UGT1A8: variants seen among roughly 807,000 people sequenced by gnomAD.
The protein encoded by UGT1A8 is UDP-glucuronosyltransferase 1A8.
Under a neutral mutation model 45.3 loss-of-function variants are expected in UGT1A8, and 39 were observed. The observed-to-expected ratio is 0.86, with a 90% CI of 0.67 to 1.12. UGT1A8 has a LOEUF of 1.12. Among genes scored for constraint, UGT1A8 ranks in the 50% most tolerant of loss-of-function variants. The pLI is 0.00. For synonymous variants in UGT1A8, 275 were observed against 249.2 expected, an observed-to-expected ratio of 1.10 and a Z score of -0.97; for missense variants, 719 against 664.9, an observed-to-expected ratio of 1.08 and a Z score of -0.90.
chr2:233,683,277 A>G (rs1244231884), intron 1 of UGT1A8, among the ~76,000 whole-genome samples: 1 of 152,152 alleles, frequency 6.6e-6, no homozygotes, highest in Non-Finnish European at 1.5e-5. Context: ...TCTTGTCAAT[A>G]AGTTAAAGAT....
chr2:233,737,052 A>T (rs1559381224), intron 1 of UGT1A8, among the ~76,000 whole-genome samples: 1 of 152,244 alleles, frequency 6.6e-6, no homozygotes, highest in Non-Finnish European at 1.5e-5. Flanking sequence ...CCATACTAGG[A>T]GAACGAGTGC....
chr2:233,648,391 C>G (rs2073656338), intron 1 of UGT1A8: 2 of 313,012 alleles, frequency 6.4e-6, no homozygotes, highest in Non-Finnish European at 6.2e-6. Context: ...CCCTGCTTCT[C>G]TTTCCTACAG....
chr2:233,758,878 C>A (rs1575761639), intron 1 of UGT1A8, among the ~76,000 whole-genome samples: 1 of 152,186 alleles, frequency 6.6e-6, no homozygotes, highest in East Asian at 1.9e-4. Context: ...CCCCATAGTC[C>A]ATGGTCAATA....
Position 233,769,443 on chromosome 2 carries a change from G to T in UGT1A8, c.1295+1004G>T. 1.3e-6 allele frequency: 2 copies of T among 1,564,916 alleles called. No homozygotes were observed. The highest frequency in any genetic ancestry group is 1.8e-6 in the Non-Finnish European group (2 of 1,139,736). On this transcript the variant is annotated intron_variant, in intron 4 of 4. Coordinates refer to ENST00000373450, the MANE Select transcript of UGT1A8 (RefSeq NM_019076.5). This position sits in a 1 kb window ranked among gnomAD's most constrained non-coding sequence, Gnocchi z 4.4. The stretch of plus-strand genomic sequence containing the variant: ...CATGTGGCTGTGCTCATGTGTGGGT[G>T]CACACGTGTGCATTCATATGCGTGT...
At chr2:233,720,720 T>C (rs79066052) in intron 1 of UGT1A8, among the ~76,000 whole-genome samples, 5 of 150,478 alleles carry the variant, frequency 3.3e-5, no homozygotes, top group Non-Finnish European at 7.4e-5. Flanking sequence ...TTTTTTTTTT[T>C]CTTGAGACTG....
At chr2:233,683,915 G>C (rs2074656487) in intron 1 of UGT1A8, among the ~76,000 whole-genome samples, 1 of 152,106 alleles carries the variant, frequency 6.6e-6, no homozygotes, top group Admixed American at 6.5e-5. Flanking sequence ...GGAGCATATA[G>C]TTCCAAAATA....
intron 1 of UGT1A8, among the ~76,000 whole-genome samples, chr2:233,673,148 G>A (rs914780086): frequency 3.3e-5 from 5 of 151,930 alleles, no homozygotes; most frequent in Middle Eastern, 3.2e-3. Context: ...TTCTTTTAAT[G>A]TTTTTAAAAA....
rs376158939 is a variant in UGT1A8, at chr2:233,709,141, G to A, written c.856-57893G>A. ...ATCATGGTGGCCAAGGGGATGAGAC[G>A]TGCTGATTGGTTGAGGCCTAGGTCA... On this transcript the variant is annotated intron_variant, in intron 1 of 4. Coordinates refer to ENST00000373450, the MANE Select transcript of UGT1A8 (RefSeq NM_019076.5). Among the ~76,000 whole-genome samples, 18 of 152,236 alleles carry A rather than the reference G, an allele frequency of 1.2e-4. No homozygotes were observed. The East Asian group carries it at 2.1e-3, about 18-fold the overall frequency.
At chr2:233,755,100 G>C (rs920872791) in intron 1 of UGT1A8, 1 of 1,335,078 alleles carries the variant, frequency 7.5e-7, no homozygotes, top group Non-Finnish European at 1.0e-6. Flanking sequence ...CTACGCGTCC[G>C]ACAACACCTC....
At chr2:233,733,201 A>T (rs1269937689) in intron 1 of UGT1A8, among the ~76,000 whole-genome samples, 1 of 152,122 alleles carries the variant, frequency 6.6e-6, no homozygotes, top group Non-Finnish European at 1.5e-5. Flanking sequence ...GCTTAAGGAG[A>T]CTTTGGGCTG....
chr2:233,667,674 C>T (rs903412445), intron 1 of UGT1A8, among the ~76,000 whole-genome samples: 1 of 152,140 alleles, frequency 6.6e-6, no homozygotes, highest in Non-Finnish European at 1.5e-5. Context: ...TGAACTCAGA[C>T]AAATTTACAA....
At chr2:233,656,995 G>T (rs1322073740) in intron 1 of UGT1A8, among the ~76,000 whole-genome samples, 1 of 151,866 alleles carries the variant, frequency 6.6e-6, no homozygotes, top group Non-Finnish European at 1.5e-5. Context: ...CCTGCGTTAG[G>T]ACCTAACCTT....
In UGT1A8 at chr2:233,618,045, C is replaced by T. The variant is rs891670856; in HGVS notation, c.338C>T (p.Ser113Phe). ...RSLFSLFLSSSNGFFNLFFSH... is the reference protein window; with the variant it reads ...RSLFSLFLSSFNGFFNLFFSH... ...TTGTTTTCTCTATTTCTGAGTTCAT[C>T]CAATGGTTTTTTTAACTTATTTTTT... Residue 113 changes from serine to phenylalanine, a missense_variant, in exon 1 of 5, where the codon TCC becomes TTC. By Grantham distance (155) the Ser-to-Phe change is radical (BLOSUM62 -2). Coordinates refer to ENST00000373450, the MANE Select transcript of UGT1A8 (RefSeq NM_019076.5). 2.6e-5 allele frequency: 42 copies of T among 1,613,888 alleles called. No individual in the cohort carries two copies. Among genetic ancestry groups the T allele is most frequent in the Non-Finnish European group, 3.5e-5 (41 of 1,180,012 alleles).
chr2:233,671,159 T>C (rs1186796589), intron 1 of UGT1A8, among the ~76,000 whole-genome samples: 1 of 152,184 alleles, frequency 6.6e-6, no homozygotes. Context: ...AGGAGGGCAC[T>C]GGAGTGATGG....
chr2:233,749,046 C>T (rs1190467042), intron 1 of UGT1A8, among the ~76,000 whole-genome samples: 1 of 151,734 alleles, frequency 6.6e-6, no homozygotes, highest in Non-Finnish European at 1.5e-5. Flanking sequence ...ATGTGGTACT[C>T]TGGGACCTGA....
In UGT1A8 at chr2:233,634,079, G is replaced by A. The variant is rs189648271; in HGVS notation, c.855+15517G>A. Among the ~76,000 whole-genome samples the A allele has an allele frequency of 9.9e-5, 15 of 152,156 alleles. No homozygotes were observed. In the East Asian group the frequency reaches 2.9e-3, roughly 29 times the overall value. Reference sequence around the variant, plus strand: ...ATTTCATTATTTACCCAGTAGTAATGCATGAGCAGGTTGTTCAGTTTCCAT... The same window carrying A: ...ATTTCATTATTTACCCAGTAGTAATACATGAGCAGGTTGTTCAGTTTCCAT... On this transcript the variant is annotated intron_variant, in intron 1 of 4. Transcript: ENST00000373450.
chr2:233,657,514 A>C (rs2073882141), intron 1 of UGT1A8, among the ~76,000 whole-genome samples: 1 of 152,222 alleles, frequency 6.6e-6, no homozygotes, highest in African/African-American at 2.4e-5. Flanking sequence ...GCAATAGGAC[A>C]GGAACTCACC....
At chr2:233,729,079 C>G (rs372945950) in intron 1 of UGT1A8, 1,314 of 1,611,886 alleles carry the variant, frequency 8.2e-4, no homozygotes, top group Non-Finnish European at 1.1e-3. Flanking sequence ...GCAAATGTAG[C>G]AGGCACAGCG....
intron 2 of UGT1A8, 118 bp from the exon 3 acceptor site, chr2:233,767,727 TCCTC>T (rs945662817): frequency 4.7e-5 from 73 of 1,556,206 alleles, no homozygotes; most frequent in Non-Finnish European, 6.3e-5. Context: ...CAGTTACTGA[TCCTC>T]CCACTCTGTT....
Sources: gnomAD v4.1 joint callset for allele counts (sites outside exome capture counted in the v4.1 genomes callset) on GRCh38, gnomAD v4.1.1 for gene constraint, Gnocchi (gnomAD v3.1) non-coding constraint, MANE v1.5 for transcripts, NCBI Gene and HGNC (gene_info 2026-07-23, HGNC 2026-07-21) for gene names.